The following PTBP3 variants were observed in gnomAD, a reference collection of about 807,000 sequenced individuals.
PTBP3 encodes the protein polypyrimidine tract-binding protein 3.
In PTBP3, 20 loss-of-function variants were observed where a neutral mutation model predicts 58.7. The ratio of observed to expected loss-of-function variants is 0.34; its 90% CI spans 0.24 to 0.50. The LOEUF is 0.50. PTBP3 is among the 20% of genes least tolerant of loss of function. The pLI is 0.98. For missense variants in PTBP3, 509 were observed against 637.2 expected (o/e 0.80, Z 2.17); for synonymous variants, 185 against 219.8 (o/e 0.84, Z 1.40).
intron 7 of PTBP3, among the ~76,000 whole-genome samples, chr9:112,243,289 C>T (rs1263117584): frequency 6.6e-6 from 1 of 151,424 alleles, no homozygotes; most frequent in Non-Finnish European, 1.5e-5. Context: ...GTCTGTAATA[C>T]CAGTATTTTG....
the PTBP3 span, among the ~76,000 whole-genome samples, chr9:112,373,047 C>T: frequency 2.6e-5 from 4 of 151,776 alleles, no homozygotes; most frequent in Non-Finnish European, 5.9e-5. Context: ...GTGCCCGCCA[C>T]CATGCCCGGC....
chr9:112,367,906 T>C, the PTBP3 span, among the ~76,000 whole-genome samples: 2 of 152,314 alleles, frequency 1.3e-5, no homozygotes, highest in East Asian at 3.9e-4. Flanking sequence ...TCACTGTTCC[T>C]TCTGGAACTC....
chr9:112,240,285 T>A (rs139842536), intron 7 of PTBP3, among the ~76,000 whole-genome samples: 195 of 152,306 alleles, frequency 1.3e-3, no homozygotes, highest in East Asian at 3.7e-3. Flanking sequence ...CATGTGTATG[T>A]ACTATATTAT....
chr9:112,234,414 G>A (rs774008513), intron 8 of PTBP3, among the ~76,000 whole-genome samples: 5 of 152,166 alleles, frequency 3.3e-5, no homozygotes, highest in Non-Finnish European at 7.3e-5. Flanking sequence ...ATTATTTGTT[G>A]AGTACTGTCA....
chr9:112,326,186 G>A (rs1430440822), intron 1 of PTBP3, among the ~76,000 whole-genome samples: 1 of 152,174 alleles, frequency 6.6e-6, no homozygotes, highest in Non-Finnish European at 1.5e-5. Context: ...TTACTGAATT[G>A]TACCCTTAAG....
intron 2 of PTBP3, among the ~76,000 whole-genome samples, chr9:112,276,638 G>A (rs1827623575): frequency 6.6e-6 from 1 of 151,880 alleles, no homozygotes; most frequent in African/African-American, 2.4e-5. Flanking sequence ...ACCCCACCCA[G>A]ACCTACTGAA....
chr9:112,232,321 A>C (rs968273637), intron 8 of PTBP3, 83 bp from the exon 9 acceptor site: 2 of 1,316,184 alleles, frequency 1.5e-6, no homozygotes, highest in African/African-American at 3.0e-5. Context: ...AATAAAGAGG[A>C]AAGGAAAACT....
chr9:112,222,714 C>A lies in PTBP3; in HGVS notation c.*1137G>T. Reference sequence around the variant, plus strand: ...CTTACCAAAACAGAGAAAGAAAAAACAAAATGCTTACCAAGCCCACAATAT... The same window carrying A: ...CTTACCAAAACAGAGAAAGAAAAAAAAAAATGCTTACCAAGCCCACAATAT... On this transcript the variant is annotated 3_prime_UTR_variant, in exon 14 of 14. Coordinates refer to ENST00000374257, the MANE Select transcript of PTBP3 (RefSeq NM_001163788.4). 3 of 979,738 alleles carry A rather than the reference C, an allele frequency of 3.1e-6. No homozygotes were observed. Among genetic ancestry groups the A allele is most frequent in the Non-Finnish European group, 3.6e-6 (3 of 824,478 alleles). 60.7% of individuals were successfully genotyped at this position (979,738 alleles called of 1,614,324 possible).
At chr9:112,308,420 A>AT (rs1829326664) in intron 1 of PTBP3, among the ~76,000 whole-genome samples, 1 of 151,960 alleles carries the variant, frequency 6.6e-6, no homozygotes, top group Non-Finnish European at 1.5e-5. Context: ...TCCTGAAAAC[A>AT]TATCACTGCA....
chr9:112,295,000 G>A (rs1828605835), intron 2 of PTBP3, among the ~76,000 whole-genome samples: 2 of 152,170 alleles, frequency 1.3e-5, no homozygotes, highest in South Asian at 2.1e-4. Flanking sequence ...AGCACTCTGG[G>A]AGGCCAATGC....
the PTBP3 span, among the ~76,000 whole-genome samples, chr9:112,344,273 G>T: frequency 6.6e-6 from 1 of 152,110 alleles, no homozygotes; most frequent in Admixed American, 6.6e-5. Context: ...GTTGAAATTT[G>T]ATTATCATTG....
chr9:112,323,625 A>C (rs1444198064), intron 1 of PTBP3, among the ~76,000 whole-genome samples: 1 of 152,220 alleles, frequency 6.6e-6, no homozygotes, highest in African/African-American at 2.4e-5. Context: ...AATAAAAAAC[A>C]CTGTAACAGA....
chr9:112,227,347 C>G, intron 12 of PTBP3, 64 bp downstream of exon 12: 2 of 1,541,606 alleles, frequency 1.3e-6, no homozygotes, highest in Non-Finnish European at 9.0e-7. Flanking sequence ...GTTTTAACCT[C>G]TCCTACATCA....
At chr9:112,336,461 C>CCAAT (rs1830577159), upstream of PTBP3, among the ~76,000 whole-genome samples, 1 of 151,272 alleles carries the variant, frequency 6.6e-6, no homozygotes, top group African/African-American at 2.4e-5. Context: ...AAAGGCTGTA[C>CCAAT]CAATTTACAG....
In PTBP3 at chr9:112,223,926, G is replaced by A. The variant is rs1211308597; in HGVS notation, c.1500C>T (p.Ala500=). ...GGTCATGGTTATGAAGCTCAATGAG[G>A]GCCTGAATTGCTTCTTCCACAGATC... is the stretch of plus-strand genomic sequence containing the variant. ...QLGSVEEAIQ[A]LIELHNHDLG... is the part of the protein sequence containing the mutation. Residue 500 remains alanine, a synonymous_variant, in exon 14 of 14, where the codon GCC becomes GCT. Coordinates refer to ENST00000374257, the MANE Select transcript of PTBP3 (RefSeq NM_001163788.4). 6.2e-7 allele frequency: 1 copy of A among 1,613,488 alleles called. No individual in the cohort carries two copies. The highest frequency in any genetic ancestry group is 8.5e-7 in the Non-Finnish European group (1 of 1,179,792).
chr9:112,322,402 G>T (rs1161182591), intron 1 of PTBP3, among the ~76,000 whole-genome samples: 1 of 152,128 alleles, frequency 6.6e-6, no homozygotes, highest in Non-Finnish European at 1.5e-5. Context: ...ACAGACACAG[G>T]CCTGGGGAAC....
the PTBP3 span, among the ~76,000 whole-genome samples, chr9:112,369,225 T>G: frequency 8.4e-3 from 1,282 of 152,298 alleles, 20 homozygotes; most frequent in Non-Finnish European, 0.013. Context: ...TTAGTGGAGC[T>G]GTGAGAAGAG....
intron 4 of PTBP3, 51 bp from the exon 5 acceptor site, chr9:112,262,650 G>A (rs1428922760): frequency 1.4e-6 from 2 of 1,458,660 alleles, no homozygotes; most frequent in East Asian, 2.5e-5. Flanking sequence ...CGCATTATAT[G>A]AATCCTAAAA....
At chr9:112,358,806 G>C in the PTBP3 span, among the ~76,000 whole-genome samples, 1 of 152,104 alleles carries the variant, frequency 6.6e-6, no homozygotes, top group East Asian at 1.9e-4. Context: ...TCAATTTGGA[G>C]TACATTCACA....
Sources: allele counts gnomAD v4.1 joint callset (sites outside exome capture counted in the v4.1 genomes callset), GRCh38; gene constraint gnomAD v4.1.1; transcripts MANE v1.5; gene names NCBI Gene and HGNC (gene_info 2026-07-23, HGNC 2026-07-21).